Variants in PIGL observed in about 807,000 individuals in gnomAD.
The protein encoded by PIGL is phosphatidylinositol glycan anchor biosynthesis class L.
Under a neutral mutation model 31.1 loss-of-function variants are expected in PIGL, and 22 were observed. The observed-to-expected ratio is 0.71, with a 90% CI of 0.51 to 1.01. The LOEUF is 1.01. Ranked by LOEUF, PIGL falls within the 50% of genes least tolerant of loss-of-function variation. The probability of loss-of-function intolerance (pLI) is 0.00; values close to 1 mark genes in which losing one functional copy is unlikely to be tolerated. For synonymous variants in PIGL, 131 were observed against 117.4 expected, an observed-to-expected ratio of 1.12 and a Z score of -0.75; for missense variants, 302 against 315.9, an observed-to-expected ratio of 0.96 and a Z score of 0.33.
At chr17:16,261,945 A>G (rs1034196475) in intron 2 of PIGL, among the ~76,000 whole-genome samples, 11 of 151,916 alleles carry the variant, frequency 7.2e-5, no homozygotes, top group African/African-American at 2.7e-4. Flanking sequence ...CACTGTGGCC[A>G]GGCATGGTGG....
At chr17:16,283,389 TC>T (rs2092924615) in intron 2 of PIGL, among the ~76,000 whole-genome samples, 1 of 152,006 alleles carries the variant, frequency 6.6e-6, no homozygotes, top group Non-Finnish European at 1.5e-5. Flanking sequence ...GATTGCCTGA[TC>T]CTAGGAGGTT....
intron 1 of PIGL, among the ~76,000 whole-genome samples, chr17:16,225,400 T>C (rs1192815983): frequency 6.9e-6 from 1 of 144,846 alleles, no homozygotes; most frequent in Non-Finnish European, 1.5e-5. Flanking sequence ...TTTTTTTTTT[T>C]TTTTTTGATA....
intron 1 of PIGL, among the ~76,000 whole-genome samples, chr17:16,230,749 T>TTACA: frequency 6.6e-6 from 1 of 151,952 alleles, no homozygotes; most frequent in East Asian, 1.9e-4. Context: ...TCCCAAGTAA[T>TTACA]TACAGGCTAG....
chr17:16,222,782 C>G (rs1315441113), intron 1 of PIGL, among the ~76,000 whole-genome samples: 1 of 151,410 alleles, frequency 6.6e-6, no homozygotes, highest in African/African-American at 2.4e-5. Context: ...GAGGCCGAGA[C>G]AGGTGCATCA....
At chr17:16,239,032 C>T (rs961417970) in intron 2 of PIGL, among the ~76,000 whole-genome samples, 1 of 151,424 alleles carries the variant, frequency 6.6e-6, no homozygotes, top group Non-Finnish European at 1.5e-5. Context: ...CCGGAGCCAC[C>T]TTGCCCGACC....
chr17:16,263,329 C>T (rs995885564), intron 2 of PIGL, among the ~76,000 whole-genome samples: 2 of 151,940 alleles, frequency 1.3e-5, no homozygotes, highest in Non-Finnish European at 2.9e-5. Context: ...CAGGCACACA[C>T]TACCATGCCT....
chr17:16,308,431 A>G (rs886419715), intron 3 of PIGL, among the ~76,000 whole-genome samples: 2 of 152,176 alleles, frequency 1.3e-5, no homozygotes, highest in Non-Finnish European at 2.9e-5. Flanking sequence ...CTGGGCCTCA[A>G]ACCCTCTATC....
rs116591352 is a variant in PIGL at position 16,317,783 on chromosome 17, G to A, written c.535G>A (p.Val179Met). 5.0e-6 allele frequency: 8 copies of A among 1,614,000 alleles called. No homozygotes were observed. The highest frequency in any genetic ancestry group is 6.8e-6 in the Non-Finnish European group (8 of 1,180,044). ...GTCTCCTCTCCATCCAGGGTGCTCT[G>A]TGCTCACGCTTCAGTCTGTGAATGT... Reference protein sequence around the residue: ...SEGKLPKGCSVLTLQSVNVLR... With the variant: ...SEGKLPKGCSMLTLQSVNVLR... Residue 179 changes from valine (V) to methionine (M), a missense_variant, in exon 6 of 7, where the codon GTG becomes ATG. Transcript: ENST00000225609.
intron 2 of PIGL, among the ~76,000 whole-genome samples, chr17:16,285,812 G>A (rs746942623): frequency 5.9e-5 from 9 of 151,398 alleles, no homozygotes; most frequent in Admixed American, 2.0e-4. Context: ...TTTTCTCTGC[G>A]TATGGCTTAG....
At chr17:16,247,082 A>AT (rs927007539) in intron 2 of PIGL, among the ~76,000 whole-genome samples, 2 of 151,894 alleles carry the variant, frequency 1.3e-5, no homozygotes, top group African/African-American at 4.8e-5. Context: ...CTGGAAAGAG[A>AT]TTCTCTCACT....
intron 2 of PIGL, among the ~76,000 whole-genome samples, chr17:16,278,394 C>A (rs1217315060): frequency 6.6e-6 from 1 of 152,146 alleles, no homozygotes; most frequent in Non-Finnish European, 1.5e-5. Context: ...CAGGATCAAA[C>A]CCGATTCTTA....
intron 2 of PIGL, among the ~76,000 whole-genome samples, chr17:16,248,424 A>G (rs1427308199): frequency 6.6e-6 from 1 of 152,178 alleles, no homozygotes; most frequent in East Asian, 1.9e-4. Flanking sequence ...AACACAATAC[A>G]GGCAGGTTCT....
intron 2 of PIGL, among the ~76,000 whole-genome samples, chr17:16,269,472 A>AC (rs1464712325): frequency 6.6e-6 from 1 of 151,810 alleles, no homozygotes; most frequent in African/African-American, 2.4e-5. Flanking sequence ...ACATGGTGAA[A>AC]CCCCGTCTCT....
intron 1 of PIGL, among the ~76,000 whole-genome samples, chr17:16,228,408 G>A (rs1037639465): frequency 1.3e-5 from 2 of 151,164 alleles, no homozygotes; most frequent in Non-Finnish European, 2.9e-5. Flanking sequence ...TTTTTGAGAC[G>A]GAGTCTTGCT....
intron 1 of PIGL, among the ~76,000 whole-genome samples, chr17:16,229,206 G>A (rs73281934): frequency 0.019 from 2,881 of 152,194 alleles, 79 homozygotes; most frequent in African/African-American, 0.065. Flanking sequence ...GAATCCAGGA[G>A]GTCAAGGCTG....
At chr17:16,239,211 G>T (rs181356084) in intron 2 of PIGL, among the ~76,000 whole-genome samples, 1 of 151,226 alleles carries the variant, frequency 6.6e-6, no homozygotes, top group South Asian at 2.1e-4. Flanking sequence ...TGGGCCAGCC[G>T]GGTGGCTCAC....
chr17:16,283,130 G>A (rs955407436), intron 2 of PIGL, among the ~76,000 whole-genome samples: 4 of 152,042 alleles, frequency 2.6e-5, no homozygotes, highest in African/African-American at 9.7e-5. Context: ...AGCCTCCCGA[G>A]TAGCTGGGAT....
chr17:16,226,806 C>T (rs750096006), intron 1 of PIGL, among the ~76,000 whole-genome samples: 16 of 152,076 alleles, frequency 1.1e-4, no homozygotes, highest in Non-Finnish European at 1.9e-4. Context: ...TGGAGGTCTC[C>T]TTATCTGTGT....
Position 16,313,627 on chromosome 17 carries a change from G to A in PIGL, c.494+13G>A, listed in dbSNP as rs764719791. On this transcript the variant is annotated intron_variant, in intron 4 of 6. Transcript: ENST00000225609. ...ATGCAGCTGTGAGGTATGATTCTCCGGGTGATGGATGTGGGGGAGGGTTTG... is the reference window on the plus strand; with the variant it reads ...ATGCAGCTGTGAGGTATGATTCTCCAGGTGATGGATGTGGGGGAGGGTTTG... 4.1e-5 allele frequency: 66 copies of A among 1,599,912 alleles called. No homozygotes were observed. In the East Asian group the frequency reaches 5.4e-4, roughly 13 times the overall value.
Sources: allele counts gnomAD v4.1 joint callset (sites outside exome capture counted in the v4.1 genomes callset), GRCh38; gene constraint gnomAD v4.1.1; transcripts MANE v1.5; gene names NCBI Gene and HGNC (gene_info 2026-07-23, HGNC 2026-07-21).